Variants in CABLES2 observed in about 807,000 individuals in gnomAD.
The protein encoded by CABLES2 is Cdk5 and Abl enzyme substrate 2, also known as CDK5 and ABL1 enzyme substrate 2.
CABLES2 carries 35 observed loss-of-function variants against 44.8 expected under a neutral mutation model. The ratio of observed to expected loss-of-function variants is 0.78; its 90% CI spans 0.60 to 1.04. The LOEUF is 1.04. Ranked by LOEUF, CABLES2 falls within the 50% of genes least tolerant of loss-of-function variation. The pLI, the probability that CABLES2 is intolerant of heterozygous loss-of-function variation, is 0.00. For synonymous variants in CABLES2, 282 were observed against 281.1 expected (o/e 1.00, Z -0.03); for missense variants, 566 against 615.7 (o/e 0.92, Z 0.85).
intron 1 of CABLES2, chr20:62,403,069 C>A (rs1217670915): frequency 6.6e-6 from 1 of 152,308 alleles, no homozygotes; most frequent in African/African-American, 2.4e-5. Context: ...CCCTCCAGAA[C>A]TGGGGGGCTC....
chr20:62,397,704 A>G (rs1236228936), intron 1 of CABLES2, among the ~76,000 whole-genome samples: 3 of 152,240 alleles, frequency 2.0e-5, no homozygotes, highest in Non-Finnish European at 2.9e-5. Flanking sequence ...TGTGTGCCTG[A>G]GCACCAAGGC....
rs746562173 is a variant in CABLES2, at chr20:62,391,141, G to T, written c.1297-30C>A. The T allele has an allele frequency of 1.9e-6, 3 of 1,610,468 alleles. No homozygotes were observed. The highest frequency in any genetic ancestry group is 2.5e-6 in the Non-Finnish European group (3 of 1,177,100). On this transcript the variant is annotated intron_variant, in intron 9 of 9. Coordinates refer to ENST00000279101, the MANE Select transcript of CABLES2 (RefSeq NM_031215.3). This position sits in a 1 kb window ranked among gnomAD's most constrained non-coding sequence, Gnocchi z 5.7. ...AGGGGAGAAGAGAGAAGGGTTACAC[G>T]GGAGCCTTCCCTCTTCCACATTTCC...
intron 1 of CABLES2, among the ~76,000 whole-genome samples, chr20:62,398,101 T>TGGTGAC (rs1988089321): frequency 7.2e-6 from 1 of 137,974 alleles, no homozygotes; most frequent in African/African-American, 2.8e-5. Flanking sequence ...GTGGTGGTGG[T>TGGTGAC]GGTGATGGTG....
chr20:62,393,461 C>T lies in CABLES2; in HGVS notation c.859G>A (p.Ala287Thr), dbSNP rs768347161. 1.2e-6 allele frequency: 2 copies of T among 1,609,320 alleles called. No individual in the cohort carries two copies. The highest frequency in any genetic ancestry group is 1.7e-6 in the Non-Finnish European group (2 of 1,177,562). The change falls in exon 6 of 10, where the codon GCA becomes ACA. Residue 287 changes from alanine to threonine, a missense_variant. Coordinates refer to ENST00000279101, the MANE Select transcript of CABLES2 (RefSeq NM_031215.3). ...CTACCTAGTTCTGTGCTGGCTGGTG[C>T]CGACTTGGTGGGGGCAGGTTTATGT... Reference protein sequence around the residue: ...SRHKPAPTKSAPASTELGSDV... With the variant: ...SRHKPAPTKSTPASTELGSDV...
chr20:62,402,633 C>T (rs1444572098), intron 1 of CABLES2: 1 of 152,306 alleles, frequency 6.6e-6, no homozygotes, highest in Non-Finnish European at 1.5e-5. Flanking sequence ...CAGCCCCATC[C>T]CCTGGACCCT....
chr20:62,406,384 G>T (rs570033172), intron 1 of CABLES2, among the ~76,000 whole-genome samples: 1 of 152,160 alleles, frequency 6.6e-6, no homozygotes, highest in East Asian at 1.9e-4. Context: ...GTGGATGGGG[G>T]TGGGGGCATG....
chr20:62,393,505 C>T lies in CABLES2; in HGVS notation c.815G>A (p.Arg272Gln), dbSNP rs143243918. The T allele has an allele frequency of 7.0e-4, 1,127 of 1,613,440 alleles. 2 individuals carry two copies. Among genetic ancestry groups the T allele is most frequent in the Non-Finnish European group, 8.5e-4 (999 of 1,179,684 alleles). The part of the protein sequence containing the change: ...LLPTPRPSVP[R>Q]TLPGSRHKPA... ...TTTATGTCTTGACCCTGGCAGAGTC[C>T]GGGGGACACTGGGCCGAGGTGTGGG... The change falls in exon 6 of 10, where the codon CGG becomes CAG. Residue 272 changes from arginine (R) to glutamine (Q), a missense_variant. Arg to Gln is a conservative substitution (Grantham distance 43). Transcript: ENST00000279101.
At position 62,391,222 on chromosome 20, in the gene CABLES2, G is replaced by A. The variant is rs766274246; in HGVS notation, c.1296+27C>T. On this transcript the variant is annotated intron_variant, in intron 9 of 9. Coordinates refer to ENST00000279101, the MANE Select transcript of CABLES2 (RefSeq NM_031215.3). The surrounding 1 kb of genome is among the most constrained non-coding windows in gnomAD (Gnocchi z 5.7). ...CTGGCTCGATGTCATGACCCTGCCTGCAGTGCCTGCCGAGCCGGGCACTCA... is the reference window on the plus strand; with the variant it reads ...CTGGCTCGATGTCATGACCCTGCCTACAGTGCCTGCCGAGCCGGGCACTCA... 13 of 1,603,020 alleles carry A rather than the reference G, an allele frequency of 8.1e-6. No individual in the cohort carries two copies. In the Admixed American group the frequency reaches 1.8e-4, roughly 23 times the overall value.
At chr20:62,392,576 ACT>A in intron 7 of CABLES2, 81 bp from the exon 8 acceptor site, 1 of 1,050,126 alleles carries the variant, frequency 9.5e-7, no homozygotes, top group Non-Finnish European at 1.5e-6. Flanking sequence ...TGGATTTCTC[ACT>A]GTCCTGGGTT....
chr20:62,394,354 T>C, intron 4 of CABLES2, 89 bp from the exon 5 acceptor site: 3 of 995,550 alleles, frequency 3.0e-6, no homozygotes, highest in South Asian at 2.6e-5. Context: ...CCCGAGGTGC[T>C]CTCGGGAACA....
In CABLES2 at chr20:62,407,228, C is replaced by CGGGGCCG. The variant is rs1040403557; in HGVS notation, c.42_48dup (p.Ala17ArgfsTer142). On this transcript the variant is annotated frameshift_variant, in exon 1 of 10. Transcript: ENST00000279101. LOFTEE classifies it high-confidence loss of function. The stretch of plus-strand genomic sequence containing the variant: ...GGCGCGGCGGGTGGCGGGGGCCCGG[C>CGGGGCCG]GGGGCCGGGGGCCGGGCCCGGGGCT... 2.4e-5 allele frequency: 22 copies of CGGGGCCG among 900,578 alleles called. No individual in the cohort carries two copies. The highest frequency in any genetic ancestry group is 7.3e-5 in the African/African-American group (4 of 54,560). 55.8% of individuals were successfully genotyped at this position (900,578 alleles called of 1,614,324 possible).
rs1397052449 is a variant in CABLES2, at chr20:62,389,072, C to T, written c.*1899G>A. The T allele has an allele frequency of 6.5e-6, 1 of 154,242 alleles. No homozygotes were observed. Among genetic ancestry groups the T allele is most frequent in the East Asian group, 1.9e-4 (1 of 5,226 alleles). 9.6% of individuals were successfully genotyped at this position (154,242 alleles called of 1,614,324 possible). A position where few individuals can be genotyped will look rare whatever the true frequency, so the allele number is the denominator to read the frequency against. Reference sequence around the variant, plus strand: ...TTCTCGCATTCATGTGTAGGAAAAACCATGGAGACGTGTCCCTGGAGGGCA... The same window carrying T: ...TTCTCGCATTCATGTGTAGGAAAAATCATGGAGACGTGTCCCTGGAGGGCA... On this transcript the variant is annotated 3_prime_UTR_variant, in exon 10 of 10. Coordinates refer to ENST00000279101, the MANE Select transcript of CABLES2 (RefSeq NM_031215.3).
rs376596864 is a variant in CABLES2 at position 62,392,509 on chromosome 20, T to C, written c.985-14A>G. 1 of 1,588,024 alleles carries C rather than the reference T, an allele frequency of 6.3e-7. No homozygotes were observed. The highest frequency in any genetic ancestry group is 2.2e-5 in the East Asian group (1 of 44,770). Reference sequence around the variant, plus strand: ...TATCACTGTGGTCTGCAACAGAGAGTGGGCAGGGTTGGGCCGGCCCCTCGC... The same window carrying C: ...TATCACTGTGGTCTGCAACAGAGAGCGGGCAGGGTTGGGCCGGCCCCTCGC... On this transcript the variant is annotated splice_polypyrimidine_tract_variant and intron_variant, in intron 7 of 9. Transcript: ENST00000279101.
At chr20:62,394,494 C>G (rs1462179504) in intron 4 of CABLES2, among the ~76,000 whole-genome samples, 1 of 152,158 alleles carries the variant, frequency 6.6e-6, no homozygotes, top group Non-Finnish European at 1.5e-5. Context: ...GCTGGTAGAG[C>G]CCCCGGGGTG....
In CABLES2 at chr20:62,394,215, G is replaced by A. The variant is rs1195669175; in HGVS notation, c.656C>T (p.Ser219Phe). Residue 219 changes from serine to phenylalanine, a missense_variant, in exon 5 of 10, where the codon TCT becomes TTT. This residue lies in a region of CABLES2 where 436 missense variants were observed against 536.3 expected (regional missense o/e 0.81). Transcript: ENST00000279101. ...CTCAAAGACCATCTCGGAAGACACAGAGACGCCGCCGGACGGGTGCCTCTG... is the reference window on the plus strand; with the variant it reads ...CTCAAAGACCATCTCGGAAGACACAAAGACGCCGCCGGACGGGTGCCTCTG... ...QKQRHPSGGV[S>F]VSSEMVFELE... The A allele has an allele frequency of 6.2e-7, 1 of 1,613,506 alleles. No homozygotes were observed. The highest frequency in any genetic ancestry group is 8.5e-7 in the Non-Finnish European group (1 of 1,180,026).
In CABLES2 at chr20:62,391,568, C is replaced by T. The variant is rs1477861550; in HGVS notation, c.1092-115G>A. 1 of 1,015,480 alleles carries T rather than the reference C, an allele frequency of 9.8e-7. No homozygotes were observed. The highest frequency in any genetic ancestry group is 2.4e-5 in the East Asian group (1 of 41,200). The allele number at this position is 1,015,480 out of a possible 1,614,324, so 62.9% of individuals were successfully genotyped here. On this transcript the variant is annotated intron_variant, in intron 8 of 9. Coordinates refer to ENST00000279101, the MANE Select transcript of CABLES2 (RefSeq NM_031215.3). The surrounding 1 kb of genome is among the most constrained non-coding windows in gnomAD (Gnocchi z 5.7). The stretch of plus-strand genomic sequence containing the variant: ...ATGTAGCTTTGGGCCGCAAGAAACA[C>T]CACCGCATCCTTCAGGGGATGGTAC...
chr20:62,391,047 A>T lies in CABLES2; in HGVS notation c.1361T>A (p.Val454Glu). 6.2e-7 allele frequency: 1 copy of T among 1,614,152 alleles called. No homozygotes were observed. The highest frequency in any genetic ancestry group is 8.5e-7 in the Non-Finnish European group (1 of 1,180,022). Residue 454 changes from valine to glutamate, a missense_variant, in exon 10 of 10, where the codon GTG becomes GAG. Val to Glu is a moderately radical substitution (Grantham distance 121). Transcript: ENST00000279101. This position sits in a 1 kb window ranked among gnomAD's most constrained non-coding sequence, Gnocchi z 5.7. ...AAGATACAGGGCCAGCTCCAAGGCC[A>T]CGAGCACTGTGAACTCAAACCCTAT... ...DLIGFEFTVLVALELALYLPE... is the reference protein window; with the variant it reads ...DLIGFEFTVLEALELALYLPE...
chr20:62,398,221 G>GAT (rs1436215550), intron 1 of CABLES2, among the ~76,000 whole-genome samples: 17 of 123,806 alleles, frequency 1.4e-4, no homozygotes, highest in African/African-American at 5.6e-4. Context: ...ATGTGATGGT[G>GAT]GTGGTGGTGA....
At position 62,396,016 on chromosome 20, in the gene CABLES2, C is replaced by T. The variant is rs919263154; in HGVS notation, c.527+299G>A. On this transcript the variant is annotated intron_variant, in intron 3 of 9. Coordinates refer to ENST00000279101, the MANE Select transcript of CABLES2 (RefSeq NM_031215.3). This position sits in a 1 kb window ranked among gnomAD's most constrained non-coding sequence, Gnocchi z 5.7. ...ACACATCTCACAGCCACACCCGTTT[C>T]TGTGTCTCCAGTTTTCCTTCACGTC... Among the ~76,000 whole-genome samples, 1 of 152,246 alleles carries T rather than the reference C, an allele frequency of 6.6e-6. No homozygotes were observed. The highest frequency in any genetic ancestry group is 1.5e-5 in the Non-Finnish European group (1 of 68,044).
Sources: gnomAD v4.1 joint callset for allele counts (sites outside exome capture counted in the v4.1 genomes callset) on GRCh38, gnomAD v4.1.1 for gene constraint, gnomAD v4.1.1 regional missense constraint, Gnocchi (gnomAD v3.1) non-coding constraint, MANE v1.5 for transcripts, NCBI Gene and HGNC (gene_info 2026-07-23, HGNC 2026-07-21) for gene names.